Variants in WDR41 observed in about 807,000 individuals in gnomAD.
The protein encoded by WDR41 is WD repeat domain 41, also known as WD repeat-containing protein 41.
A neutral mutation model predicts 69.3 loss-of-function variants in WDR41; 63 were observed. The observed-to-expected ratio is 0.91, with a 90% CI of 0.74 to 1.12. The LOEUF (loss-of-function observed/expected upper bound fraction) is 1.12. Ranked by LOEUF, WDR41 falls within the 50% of genes most tolerant of loss-of-function variation. The pLI, the probability that WDR41 is intolerant of heterozygous loss-of-function variation, is 0.00. For missense variants in WDR41, 543 were observed against 534.5 expected, an observed-to-expected ratio of 1.02 and a Z score of -0.16; for synonymous variants, 185 against 192.1, an observed-to-expected ratio of 0.96 and a Z score of 0.31.
intron 2 of WDR41, among the ~76,000 whole-genome samples, chr5:77,466,265 A>G (rs760287004): frequency 2.6e-5 from 4 of 152,002 alleles, no homozygotes; most frequent in Non-Finnish European, 4.4e-5. Flanking sequence ...TTAAAATAAA[A>G]ATAGATTTCC....
intron 1 of WDR41, among the ~76,000 whole-genome samples, chr5:77,530,887 T>C (rs756421275): frequency 2.0e-5 from 3 of 151,716 alleles, no homozygotes; most frequent in Non-Finnish European, 4.4e-5. Flanking sequence ...GGTAGAAATA[T>C]AATAAAACAA....
chr5:77,584,768 A>T (rs572409514), intron 1 of WDR41, among the ~76,000 whole-genome samples: 2 of 152,356 alleles, frequency 1.3e-5, no homozygotes, highest in African/African-American at 4.8e-5. Context: ...TTGGCAAGCC[A>T]CATGTAGGAG....
At chr5:77,572,466 G>C (rs1409305987) in intron 1 of WDR41, among the ~76,000 whole-genome samples, 1 of 152,138 alleles carries the variant, frequency 6.6e-6, no homozygotes, top group Non-Finnish European at 1.5e-5. Flanking sequence ...TACTTCAAGG[G>C]CCTTTTATTT....
intron 7 of WDR41, 102 bp from the exon 8 acceptor site, chr5:77,449,972 C>T (rs992652481): frequency 5.2e-6 from 4 of 771,794 alleles, no homozygotes; most frequent in South Asian, 1.8e-5. Flanking sequence ...AAAATACCTA[C>T]CATACTGAAA....
chr5:77,447,577 T>C (rs771751546), intron 8 of WDR41, among the ~76,000 whole-genome samples: 26 of 152,220 alleles, frequency 1.7e-4, no homozygotes, highest in Non-Finnish European at 3.7e-4. Context: ...CATGGAATAC[T>C]ATGCAGCCAT....
intron 2 of WDR41, among the ~76,000 whole-genome samples, chr5:77,480,749 C>T (rs935310394): frequency 1.5e-4 from 22 of 151,132 alleles, no homozygotes; most frequent in Non-Finnish European, 2.8e-4. Context: ...GGGTGCAGCG[C>T]ACCAGCATGG....
intron 4 of WDR41, among the ~76,000 whole-genome samples, chr5:77,461,959 G>T (rs769017595): frequency 6.6e-6 from 1 of 152,160 alleles, no homozygotes; most frequent in Non-Finnish European, 1.5e-5. Context: ...ATATTAAAGG[G>T]CTGAGTTTGT....
intron 9 of WDR41, among the ~76,000 whole-genome samples, chr5:77,439,696 C>T (rs1397557183): frequency 3.9e-5 from 6 of 151,904 alleles, no homozygotes; most frequent in African/African-American, 1.5e-4. Flanking sequence ...GAACTCACAA[C>T]AAAAGAAGAA....
At chr5:77,503,692 C>A (rs1303068857) in intron 1 of WDR41, among the ~76,000 whole-genome samples, 2 of 152,160 alleles carry the variant, frequency 1.3e-5, no homozygotes, top group African/African-American at 2.4e-5. Flanking sequence ...GACCACAGTG[C>A]AATCAAATTA....
At chr5:77,458,122 C>T (rs1185862119) in intron 5 of WDR41, among the ~76,000 whole-genome samples, 1 of 152,064 alleles carries the variant, frequency 6.6e-6, no homozygotes, top group Non-Finnish European at 1.5e-5. Flanking sequence ...TTTCAGGTCA[C>T]ATAAAGTATA....
upstream of WDR41, among the ~76,000 whole-genome samples, chr5:77,496,385 G>T (rs1483843805): frequency 6.6e-6 from 1 of 151,908 alleles, no homozygotes; most frequent in African/African-American, 2.4e-5. Context: ...CACAAAAAAG[G>T]TATAGAGCTA....
In WDR41 at chr5:77,432,952, T is replaced by C. The variant is rs574426811; in HGVS notation, c.*183A>G. ...CTTGTGGTATATTCTTTGGAGGATA[T>C]ACTAGGACCTGAGAAGCAACATGTT... On this transcript the variant is annotated 3_prime_UTR_variant, in exon 13 of 13. Transcript: ENST00000296679. The C allele has an allele frequency of 3.7e-4, 218 of 586,726 alleles. No homozygotes were observed. Among genetic ancestry groups the C allele is most frequent in the Non-Finnish European group, 5.4e-4 (187 of 346,362 alleles). The allele number at this position is 586,726 out of a possible 1,614,324, so 36.3% of individuals were successfully genotyped here.
chr5:77,469,587 C>T (rs958851801), intron 2 of WDR41, among the ~76,000 whole-genome samples: 7 of 152,004 alleles, frequency 4.6e-5, no homozygotes, highest in Admixed American at 2.0e-4. Context: ...GTCATTTTTG[C>T]GTGTGTGTGA....
At chr5:77,587,582 C>A (rs1744063429) in intron 1 of WDR41, among the ~76,000 whole-genome samples, 1 of 152,116 alleles carries the variant, frequency 6.6e-6, no homozygotes, top group Non-Finnish European at 1.5e-5. Flanking sequence ...TTTTAATGTG[C>A]CTTTCCCTGG....
intron 1 of WDR41, 97 bp downstream of exon 1, chr5:77,492,073 C>A: frequency 1.4e-6 from 2 of 1,467,102 alleles, no homozygotes; most frequent in Admixed American, 1.9e-5. Context: ...CGCCTCCGCC[C>A]GGGTCCCCGC....
chr5:77,573,182 T>C (rs952747898), intron 1 of WDR41, among the ~76,000 whole-genome samples: 1 of 152,136 alleles, frequency 6.6e-6, no homozygotes, highest in Non-Finnish European at 1.5e-5. Flanking sequence ...CAGAAACTAA[T>C]GGTATATTAA....
intron 1 of WDR41, among the ~76,000 whole-genome samples, chr5:77,572,457 A>C (rs1006668680): frequency 6.6e-6 from 1 of 152,180 alleles, no homozygotes; most frequent in Non-Finnish European, 1.5e-5. Context: ...AAAAAATGTT[A>C]CTTCAAGGGC....
chr5:77,590,527 G>C (rs922639745), intron 1 of WDR41, among the ~76,000 whole-genome samples: 1 of 152,126 alleles, frequency 6.6e-6, no homozygotes, highest in Non-Finnish European at 1.5e-5. Flanking sequence ...CCTTTAATTG[G>C]GTACTTTGAG....
intron 8 of WDR41, among the ~76,000 whole-genome samples, chr5:77,446,992 C>T (rs1799410623): frequency 6.6e-6 from 1 of 152,086 alleles, no homozygotes; most frequent in Admixed American, 6.5e-5. Context: ...AGGCAACCTA[C>T]AAAATGGGAG....
Sources: allele counts gnomAD v4.1 joint callset (sites outside exome capture counted in the v4.1 genomes callset), GRCh38; gene constraint gnomAD v4.1.1; transcripts MANE v1.5; gene names NCBI Gene and HGNC (gene_info 2026-07-23, HGNC 2026-07-21).